SNTN: variants seen among roughly 807,000 people sequenced by gnomAD.
SNTN encodes sentan, cilia apical structure protein, also known as sentan.
SNTN carries 13 observed loss-of-function variants against 12.3 expected under a neutral mutation model. The observed-to-expected ratio is 1.05, with a 90% CI of 0.69 to 1.67. The LOEUF (loss-of-function observed/expected upper bound fraction) is 1.67, where lower values mean the gene tolerates loss of function less well. SNTN is among the 40% of genes most tolerant of loss of function. The pLI is 0.00. For missense variants in SNTN, 189 were observed against 169.8 expected, an observed-to-expected ratio of 1.11 and a Z score of -0.63; for synonymous variants, 69 against 58.5, an observed-to-expected ratio of 1.18 and a Z score of -0.82.
rs74647989 is a variant in SNTN at position 63,658,146 on chromosome 3, T to A, written c.146-1579T>A. On this transcript the variant is annotated intron_variant, in intron 2 of 3. Coordinates refer to ENST00000343837, the MANE Select transcript of SNTN (RefSeq NM_001080537.2). ...TCTTCTTTCAGAAATCTGCCAAATA[T>A]GTCAGATTTCTTCTGACCTGAGACT... Among the ~76,000 whole-genome samples the A allele has an allele frequency of 7.2e-5, 11 of 152,250 alleles. No homozygotes were observed. The East Asian group carries it at 2.1e-3, about 29-fold the overall frequency.
chr3:63,659,780 C>T lies in SNTN; in HGVS notation c.201C>T (p.Phe67=). 2 of 1,614,038 alleles carry T rather than the reference C, an allele frequency of 1.2e-6. No homozygotes were observed. Among genetic ancestry groups the T allele is most frequent in the South Asian group, 1.1e-5 (1 of 91,082 alleles). ...EKAIATTALI[F]RNSSDSDGKL... ...CTATTGCCACCACTGCTCTGATTTT[C>T]AGAAATTCTTCTGACTCTGATGGTA... is the stretch of plus-strand genomic sequence containing the variant. Residue 67 remains phenylalanine (F), a synonymous_variant, in exon 3 of 4, where the codon TTC becomes TTT. Coordinates refer to ENST00000343837, the MANE Select transcript of SNTN (RefSeq NM_001080537.2).
chr3:63,659,675 AG>A, intron 2 of SNTN, 49 bp from the exon 3 acceptor site: 1 of 1,606,904 alleles, frequency 6.2e-7, no homozygotes, highest in Non-Finnish European at 8.5e-7. Context: ...GGTCTGGGGA[AG>A]GGTTATTTCT....
intron 3 of SNTN, 50 bp downstream of exon 3, chr3:63,659,914 G>T (rs1700725708): frequency 1.2e-6 from 2 of 1,601,960 alleles, no homozygotes; most frequent in South Asian, 2.2e-5. Context: ...CCTCATGGCT[G>T]ACCCAATGAG....
chr3:63,657,833 G>A (rs965919699), intron 2 of SNTN, among the ~76,000 whole-genome samples: 1 of 152,058 alleles, frequency 6.6e-6, no homozygotes, highest in Admixed American at 6.6e-5. Context: ...CTTTCTTTGC[G>A]ACATCTTAGC....
intron 2 of SNTN, among the ~76,000 whole-genome samples, 194 bp from the exon 3 acceptor site, chr3:63,659,531 T>C (rs1262331174): frequency 6.6e-6 from 1 of 151,968 alleles, no homozygotes; most frequent in Non-Finnish European, 1.5e-5. Context: ...TAATTCTAAT[T>C]GCTATTAAGG....
In SNTN at chr3:63,663,999, T is replaced by C; in HGVS notation, c.348T>C (p.Asn116=). 1.2e-6 allele frequency: 2 copies of C among 1,613,938 alleles called. No individual in the cohort carries two copies. The highest frequency in any genetic ancestry group is 1.1e-5 in the South Asian group (1 of 91,054). ...CTGAACTTGATGAGCACACAGAAAA[T>C]AAGCTAGATTTTGAAGACTTCATGA... The part of the protein sequence containing the change: ...ILSELDEHTE[N]KLDFEDFMIL... Residue 116 remains asparagine (N), a synonymous_variant, in exon 4 of 4, where the codon AAT becomes AAC. Coordinates refer to ENST00000343837, the MANE Select transcript of SNTN (RefSeq NM_001080537.2).
chr3:63,664,110 G>A lies in SNTN; in HGVS notation c.*15G>A, dbSNP rs189206038. 2.3e-4 allele frequency: 362 copies of A among 1,582,090 alleles called. No individual in the cohort carries two copies. In the African/African-American group the frequency reaches 4.6e-3, roughly 20 times the overall value. ...TTATGAAATGAACAGTTTTAAATAT[G>A]CTGTATAAAATAATGGCAAAAGACA... On this transcript the variant is annotated 3_prime_UTR_variant, in exon 4 of 4. Transcript: ENST00000343837.
At chr3:63,655,019 A>G (rs1700661151) in intron 2 of SNTN, among the ~76,000 whole-genome samples, 1 of 152,208 alleles carries the variant, frequency 6.6e-6, no homozygotes, top group African/African-American at 2.4e-5. Flanking sequence ...GACAGAGCTG[A>G]GATGAGACCA....
In SNTN at chr3:63,663,845, G is replaced by C. The variant is rs1004747025; in HGVS notation, c.286-92G>C. On this transcript the variant is annotated intron_variant, in intron 3 of 3. Transcript: ENST00000343837. ...ACTCAGTCTCAGGTATTCTATTACAGCAACACTAAACAGACTAAGACATTA... is the reference window on the plus strand; with the variant it reads ...ACTCAGTCTCAGGTATTCTATTACACCAACACTAAACAGACTAAGACATTA... The C allele has an allele frequency of 2.0e-5, 29 of 1,466,220 alleles. No individual in the cohort carries two copies. In the South Asian group the frequency reaches 3.5e-4, roughly 18 times the overall value. The allele number at this position is 1,466,220 out of a possible 1,614,324, so 90.8% of individuals were successfully genotyped here.
At chr3:63,662,807 C>A (rs542805307) in intron 3 of SNTN, among the ~76,000 whole-genome samples, 1 of 152,300 alleles carries the variant, frequency 6.6e-6, no homozygotes, top group Non-Finnish European at 1.5e-5. Context: ...CATTTGGGAA[C>A]AAACTAAATG....
chr3:63,664,911 C>T lies in SNTN; in HGVS notation c.*816C>T, dbSNP rs1234404039. ...GGGATTACAGGCGTGTGCCACGATG[C>T]CAGGCTAATTTTTTTTGTATTTTTA... On this transcript the variant is annotated 3_prime_UTR_variant, in exon 4 of 4. Coordinates refer to ENST00000343837, the MANE Select transcript of SNTN (RefSeq NM_001080537.2). Among the ~76,000 whole-genome samples, 1 of 152,028 alleles carries T rather than the reference C, an allele frequency of 6.6e-6. No homozygotes were observed.
At chr3:63,660,291 G>T (rs544616577) in intron 3 of SNTN, among the ~76,000 whole-genome samples, 6 of 152,132 alleles carry the variant, frequency 3.9e-5, no homozygotes, top group African/African-American at 1.2e-4. Context: ...GGGATGGGAC[G>T]GTAGCTGGGA....
In SNTN at chr3:63,652,801, A is replaced by G. The variant is rs373922543; in HGVS notation, c.110+4A>G. On this transcript the variant is annotated splice_donor_region_variant and intron_variant, in intron 1 of 3. Transcript: ENST00000343837. Reference sequence around the variant, plus strand: ...CACCTAGGAAAATGCCCAAAAGGTCAGTGGCACTTGGCTGTCTTTTATTGA... The same window carrying G: ...CACCTAGGAAAATGCCCAAAAGGTCGGTGGCACTTGGCTGTCTTTTATTGA... 2 of 1,612,632 alleles carry G rather than the reference A, an allele frequency of 1.2e-6. No individual in the cohort carries two copies. The highest frequency in any genetic ancestry group is 1.7e-6 in the Non-Finnish European group (2 of 1,178,684).
intron 3 of SNTN, among the ~76,000 whole-genome samples, chr3:63,663,187 A>G (rs1700760064): frequency 6.6e-6 from 1 of 152,204 alleles, no homozygotes; most frequent in African/African-American, 2.4e-5. Flanking sequence ...AGCAGTTAAG[A>G]GTATGGGCTG....
chr3:63,659,072 A>C (rs1483808014), intron 2 of SNTN, among the ~76,000 whole-genome samples: 1 of 152,202 alleles, frequency 6.6e-6, no homozygotes, highest in East Asian at 1.9e-4. Context: ...CTAAAAGAAC[A>C]CAAAGCATAC....
chr3:63,661,108 G>A (rs1178260456), intron 3 of SNTN, among the ~76,000 whole-genome samples: 1 of 152,048 alleles, frequency 6.6e-6, no homozygotes, highest in Non-Finnish European at 1.5e-5. Context: ...AAATAATAGT[G>A]AAAAAATAGA....
At position 63,654,908 on chromosome 3, in the gene SNTN, T is replaced by C; in HGVS notation, c.145+112T>C. The stretch of plus-strand genomic sequence containing the variant: ...GAATGCCAGAGATGTAAGGGAACTT[T>C]TGAATAAATCATCAAATATTCATGA... On this transcript the variant is annotated intron_variant, in intron 2 of 3. Coordinates refer to ENST00000343837, the MANE Select transcript of SNTN (RefSeq NM_001080537.2). The C allele has an allele frequency of 6.3e-6, 6 of 946,342 alleles. No homozygotes were observed. The South Asian group carries it at 7.6e-5, about 12-fold the overall frequency. 58.6% of individuals were successfully genotyped at this position (946,342 alleles called of 1,614,324 possible). A position where few individuals can be genotyped will look rare whatever the true frequency, so the allele number is the denominator to read the frequency against.
At position 63,652,798 on chromosome 3, in the gene SNTN, G is replaced by T; in HGVS notation, c.110+1G>T. The T allele has an allele frequency of 1.2e-6, 2 of 1,613,212 alleles. No individual in the cohort carries two copies. The highest frequency in any genetic ancestry group is 1.7e-6 in the Non-Finnish European group (2 of 1,179,294). On this transcript the variant is annotated splice_donor_variant, in intron 1 of 3. Coordinates refer to ENST00000343837, the MANE Select transcript of SNTN (RefSeq NM_001080537.2). LOFTEE classifies it high-confidence loss of function. ...GCGCACCTAGGAAAATGCCCAAAAG[G>T]TCAGTGGCACTTGGCTGTCTTTTAT...
intron 1 of SNTN, among the ~76,000 whole-genome samples, chr3:63,653,729 A>G (rs1700646059): frequency 6.6e-6 from 1 of 152,306 alleles, no homozygotes; most frequent in Non-Finnish European, 1.5e-5. Flanking sequence ...CCTGCCTCCA[A>G]TTTGGCCCCT....
Sources: gnomAD v4.1 joint callset for allele counts (sites outside exome capture counted in the v4.1 genomes callset) on GRCh38, gnomAD v4.1.1 for gene constraint, MANE v1.5 for transcripts, NCBI Gene and HGNC (gene_info 2026-07-23, HGNC 2026-07-21) for gene names.